Variants in CLIC6 observed in about 807,000 individuals in gnomAD.
CLIC6 encodes the protein CLIC family member 6, also known as chloride intracellular channel protein 6.
CLIC6 carries 39 observed loss-of-function variants against 49.2 expected under a neutral mutation model. The ratio of observed to expected loss-of-function variants is 0.79; its 90% CI spans 0.61 to 1.04. CLIC6 has a LOEUF of 1.04. CLIC6 is among the 50% of genes least tolerant of loss of function. The probability of loss-of-function intolerance (pLI) is 0.00; values close to 1 mark genes in which losing one functional copy is unlikely to be tolerated. For missense variants in CLIC6, 988 were observed against 993.1 expected (o/e 0.99, Z 0.07); for synonymous variants, 446 against 433.4 (o/e 1.03, Z -0.36).
chr21:34,710,116 TA>T (rs534646829), intron 5 of CLIC6, among the ~76,000 whole-genome samples: 1,564 of 143,968 alleles, frequency 0.011, 32 homozygotes, highest in African/African-American at 0.034. Context: ...ATACAAAAAA[TA>T]AAAAAAAAAA....
chr21:34,672,829 C>G (rs555195044), intron 1 of CLIC6, among the ~76,000 whole-genome samples: 1 of 152,034 alleles, frequency 6.6e-6, no homozygotes, highest in Non-Finnish European at 1.5e-5. Context: ...AAAATGGGGA[C>G]GGTAATAGTA....
In CLIC6 at chr21:34,670,487, C is replaced by T. The variant is rs1178510319; in HGVS notation, c.1099C>T (p.Pro367Ser). Residue 367 changes from proline to serine, a missense_variant, in exon 1 of 6, where the codon CCG becomes TCG. Around this residue, in one of 3 missense-constraint regions of CLIC6, gnomAD observed 647 missense variants for 596.9 expected, o/e 1.08. Coordinates refer to ENST00000349499, the MANE Select transcript of CLIC6 (RefSeq NM_053277.3). ...DRVGDGPQQEPGEDEERRERS... is the reference protein window; with the variant it reads ...DRVGDGPQQESGEDEERRERS... ...GGTAGGGGATGGGCCACAGCAGGAGCCGGGGGAGGACGAAGAGAGACGAGA... is the reference window on the plus strand; with the variant it reads ...GGTAGGGGATGGGCCACAGCAGGAGTCGGGGGAGGACGAAGAGAGACGAGA... The T allele has an allele frequency of 6.7e-7, 1 of 1,493,024 alleles. No homozygotes were observed. The highest frequency in any genetic ancestry group is 1.3e-5 in the South Asian group (1 of 75,558). 92.5% of individuals were successfully genotyped at this position (1,493,024 alleles called of 1,614,324 possible).
chr21:34,717,928 C>T lies in CLIC6; in HGVS notation c.*1446C>T, dbSNP rs1369769677. 1 of 152,400 alleles carries T rather than the reference C, an allele frequency of 6.6e-6. No individual in the cohort carries two copies. The highest frequency in any genetic ancestry group is 3.4e-3 in the Middle Eastern group (1 of 294). 9.4% of individuals were successfully genotyped at this position (152,400 alleles called of 1,614,324 possible). On this transcript the variant is annotated 3_prime_UTR_variant, in exon 6 of 6. Transcript: ENST00000349499. ...GAAACAAAGTCTTTAATAGAGTGGC[C>T]TCTTTCGCTCTTCGATTATGACTGC...
chr21:34,677,201 T>C (rs1292292247), intron 1 of CLIC6, among the ~76,000 whole-genome samples: 1 of 152,250 alleles, frequency 6.6e-6, no homozygotes, highest in Non-Finnish European at 1.5e-5. Context: ...AATGCTGCTA[T>C]GAAAATTTCC....
intron 1 of CLIC6, among the ~76,000 whole-genome samples, chr21:34,679,305 G>A (rs1989732108): frequency 6.6e-6 from 1 of 152,156 alleles, no homozygotes; most frequent in African/African-American, 2.4e-5. Context: ...GATCTGGTGA[G>A]AACTCACTCA....
chr21:34,703,370 T>G (rs1335243373), intron 1 of CLIC6, among the ~76,000 whole-genome samples: 1 of 152,110 alleles, frequency 6.6e-6, no homozygotes, highest in Non-Finnish European at 1.5e-5. Context: ...GGTGGCTTGC[T>G]CTGGTGAGAA....
chr21:34,714,012 A>G (rs1257739920), intron 5 of CLIC6, among the ~76,000 whole-genome samples: 1 of 152,210 alleles, frequency 6.6e-6, no homozygotes, highest in African/African-American at 2.4e-5. Context: ...ACATCTACAG[A>G]GAATTAAAGA....
rs957641472 is a variant in CLIC6, at chr21:34,717,726, G to A, written c.*1244G>A. On this transcript the variant is annotated 3_prime_UTR_variant, in exon 6 of 6. Transcript: ENST00000349499. ...ACTTATCAGCCAGAATGTGTTCTTCGGACAGTCGTACACATCTTACAGAAA... is the reference window on the plus strand; with the variant it reads ...ACTTATCAGCCAGAATGTGTTCTTCAGACAGTCGTACACATCTTACAGAAA... 3 of 152,140 alleles carry A rather than the reference G, an allele frequency of 2.0e-5. No homozygotes were observed. Among genetic ancestry groups the A allele is most frequent in the Admixed American group, 6.5e-5 (1 of 15,274 alleles). The allele number at this position is 152,140 out of a possible 1,614,324, so 9.4% of individuals were successfully genotyped here.
chr21:34,692,011 A>C (rs893719451), intron 1 of CLIC6, among the ~76,000 whole-genome samples: 5 of 152,200 alleles, frequency 3.3e-5, no homozygotes, highest in Admixed American at 1.3e-4. Context: ...GAATACTAGG[A>C]TACTTTATGG....
chr21:34,709,258 A>T, intron 4 of CLIC6, 99 bp from the exon 5 acceptor site: 2 of 1,046,480 alleles, frequency 1.9e-6, no homozygotes. Flanking sequence ...CTTGCTGGCC[A>T]CATCTCAGCG....
chr21:34,683,232 G>C lies in CLIC6; in HGVS notation c.1374+12470G>C, dbSNP rs142420887. 2.0e-3 allele frequency among the ~76,000 whole-genome samples: 302 copies of C among 152,280 alleles called. 1 individual carries two copies. The highest frequency in any genetic ancestry group is 7.0e-3 in the African/African-American group (290 of 41,566). ...AACAAAGTTTAAACTGTACAGACAG[G>C]AGGATCACTTCATGCCTATATCACC... On this transcript the variant is annotated intron_variant, in intron 1 of 5. Coordinates refer to ENST00000349499, the MANE Select transcript of CLIC6 (RefSeq NM_053277.3).
At chr21:34,693,634 A>C (rs141241614) in intron 1 of CLIC6, among the ~76,000 whole-genome samples, 328 of 152,328 alleles carry the variant, frequency 2.2e-3, no homozygotes, top group African/African-American at 7.4e-3. Context: ...AAATTGGCGA[A>C]AAATAACCAT....
chr21:34,696,680 G>A (rs1351400901), intron 1 of CLIC6, among the ~76,000 whole-genome samples: 5 of 152,206 alleles, frequency 3.3e-5, no homozygotes, highest in Admixed American at 3.3e-4. Flanking sequence ...GAGTAGTACA[G>A]AGCACATGCT....
Position 34,669,527 on chromosome 21 carries a change from G to T in CLIC6, c.139G>T (p.Ala47Ser). ...AGAAGGGCCGGAGGGGAGCGAGGGC[G>T]CAGAGGAGGCGCCGAGGGGCGCCGC... ...EAEGPEGSEG[A>S]EEAPRGAAAV... The change falls in exon 1 of 6, where the codon GCA becomes TCA. Residue 47 changes from alanine to serine, a missense_variant. Around this residue, in one of 3 missense-constraint regions of CLIC6, gnomAD observed 284 missense variants for 278.6 expected, o/e 1.02. Transcript: ENST00000349499. 2 of 1,244,258 alleles carry T rather than the reference G, an allele frequency of 1.6e-6. No individual in the cohort carries two copies. Among genetic ancestry groups the T allele is most frequent in the Non-Finnish European group, 2.0e-6 (2 of 995,902 alleles). 77.1% of individuals were successfully genotyped at this position (1,244,258 alleles called of 1,614,324 possible).
chr21:34,680,907 C>G (rs1989766501), intron 1 of CLIC6, among the ~76,000 whole-genome samples: 1 of 152,210 alleles, frequency 6.6e-6, no homozygotes, highest in African/African-American at 2.4e-5. Context: ...AAGTTCCAAA[C>G]TTTCCCACAT....
chr21:34,708,859 A>G (rs1039956823), intron 4 of CLIC6, 53 bp downstream of exon 4: 1 of 1,250,022 alleles, frequency 8.0e-7, no homozygotes, highest in Non-Finnish European at 1.2e-6. Context: ...GAGTCTTAGC[A>G]TGGCGGCCCA....
rs547824898 is a variant in CLIC6, at chr21:34,699,667, T to C, written c.1375-7613T>C. Among the ~76,000 whole-genome samples the C allele has an allele frequency of 2.0e-5, 3 of 152,328 alleles. No homozygotes were observed. The South Asian group carries it at 6.2e-4, about 32-fold the overall frequency. On this transcript the variant is annotated intron_variant, in intron 1 of 5. Coordinates refer to ENST00000349499, the MANE Select transcript of CLIC6 (RefSeq NM_053277.3). ...AATGGGCTAGTTTGTTCCTCCTGCA[T>C]CTTGTTATTGAAGCAGCATCGTTCG...
At chr21:34,689,447 T>C (rs1989947355) in intron 1 of CLIC6, among the ~76,000 whole-genome samples, 1 of 152,240 alleles carries the variant, frequency 6.6e-6, no homozygotes, top group African/African-American at 2.4e-5. Flanking sequence ...TTCCACGGTC[T>C]GTGTTTCAAA....
chr21:34,703,311 C>T (rs1374198971), intron 1 of CLIC6, among the ~76,000 whole-genome samples: 4 of 152,122 alleles, frequency 2.6e-5, no homozygotes, highest in African/African-American at 9.7e-5. Context: ...ACCATGTAAG[C>T]CCACACAGAA....
Sources: gnomAD v4.1 joint callset for allele counts (sites outside exome capture counted in the v4.1 genomes callset) on GRCh38, gnomAD v4.1.1 for gene constraint, gnomAD v4.1.1 regional missense constraint, MANE v1.5 for transcripts, NCBI Gene and HGNC (gene_info 2026-07-23, HGNC 2026-07-21) for gene names.